ATXN7L1: variants seen among roughly 807,000 people sequenced by gnomAD.
ATXN7L1 encodes ataxin-7-like protein 1.
ATXN7L1 carries 15 observed loss-of-function variants against 70.8 expected under a neutral mutation model. The ratio of observed to expected loss-of-function variants is 0.21; its 90% CI spans 0.14 to 0.33. ATXN7L1 has a LOEUF of 0.33. Among genes scored for constraint, ATXN7L1 ranks in the 10% least tolerant of loss-of-function variants. ATXN7L1 has a pLI of 1.00. For missense variants in ATXN7L1, 975 were observed against 1,097.1 expected (o/e 0.89, Z 1.57); for synonymous variants, 440 against 445.1 (o/e 0.99, Z 0.14).
chr7:105,875,854 C>G lies in ATXN7L1; in HGVS notation c.208G>C (p.Glu70Gln). ...ATAACCTCCCTGCTTTTTCCACCCT[C>G]TTTTCCAGCCTCTTCTAAATCTACA... is the stretch of plus-strand genomic sequence containing the variant. ...DNVDLEEAGK[E>Q]GGKSREVMRL... Residue 70 changes from glutamate to glutamine, a missense_variant, in exon 2 of 12, where the codon GAG becomes CAG. By Grantham distance (29) the Glu-to-Gln change is conservative (BLOSUM62 2). This residue lies in a region of ATXN7L1 where 135 missense variants were observed against 132.6 expected (regional missense o/e 1.02). Transcript: ENST00000419735. The G allele has an allele frequency of 2.5e-6, 4 of 1,613,774 alleles. No individual in the cohort carries two copies. Among genetic ancestry groups the G allele is most frequent in the Non-Finnish European group, 3.4e-6 (4 of 1,179,932 alleles).
chr7:105,871,468 T>C (rs934868441), intron 2 of ATXN7L1, among the ~76,000 whole-genome samples: 2 of 152,180 alleles, frequency 1.3e-5, no homozygotes, highest in African/African-American at 4.8e-5. Flanking sequence ...TCCCAGCACT[T>C]TGGGATGCTG....
At chr7:105,860,549 T>G (rs556148139) in intron 2 of ATXN7L1, among the ~76,000 whole-genome samples, 1 of 152,178 alleles carries the variant, frequency 6.6e-6, no homozygotes, top group South Asian at 2.1e-4. Flanking sequence ...AAAAACCTCA[T>G]AGGCCATCTC....
chr7:105,761,095 G>T, intron 3 of ATXN7L1: 1 of 1,019,402 alleles, frequency 9.8e-7, no homozygotes, highest in Non-Finnish European at 1.2e-6. Context: ...AGGAACAGCT[G>T]GAAGGCTTTT....
At chr7:105,624,989 G>A (rs1030107773) in intron 7 of ATXN7L1, among the ~76,000 whole-genome samples, 25 of 152,178 alleles carry the variant, frequency 1.6e-4, no homozygotes, top group African/African-American at 5.8e-4. Flanking sequence ...CTTTGAAAGT[G>A]GAACCTGACA....
chr7:105,726,801 T>G (rs1192377879), intron 3 of ATXN7L1, among the ~76,000 whole-genome samples: 1 of 152,164 alleles, frequency 6.6e-6, no homozygotes, highest in African/African-American at 2.4e-5. Context: ...CATCTCAGGA[T>G]CCTATCAAGC....
At chr7:105,660,809 C>CT (rs767255969) in intron 4 of ATXN7L1, among the ~76,000 whole-genome samples, 12 of 152,086 alleles carry the variant, frequency 7.9e-5, no homozygotes, top group African/African-American at 1.4e-4. Flanking sequence ...TCTTGAACTC[C>CT]TGACCTCGTG....
intron 3 of ATXN7L1, among the ~76,000 whole-genome samples, chr7:105,780,553 AT>A (rs564011223): frequency 2.0e-3 from 289 of 145,482 alleles, no homozygotes; most frequent in African/African-American, 1.8e-3. Flanking sequence ...GTTCTAAACC[AT>A]TTTTTTTTTT....
chr7:105,733,506 C>CATCCATT (rs1264531675), intron 3 of ATXN7L1, among the ~76,000 whole-genome samples: 1 of 103,356 alleles, frequency 9.7e-6, no homozygotes, highest in African/African-American at 4.5e-5. Context: ...ATCCATCCTT[C>CATCCATT]CATCCATCCA....
At chr7:105,755,191 C>T (rs1170359457) in intron 3 of ATXN7L1, among the ~76,000 whole-genome samples, 1 of 151,428 alleles carries the variant, frequency 6.6e-6, no homozygotes, top group East Asian at 1.9e-4. Context: ...AAGGTGTTTC[C>T]TTCTCTAGAA....
intron 2 of ATXN7L1, among the ~76,000 whole-genome samples, chr7:105,837,710 G>T (rs1812614657): frequency 6.6e-6 from 1 of 152,158 alleles, no homozygotes; most frequent in Non-Finnish European, 1.5e-5. Context: ...AGCAGGGACG[G>T]AAGGACTCCC....
At chr7:105,715,786 G>A (rs6466072) in intron 3 of ATXN7L1, among the ~76,000 whole-genome samples, 5,223 of 152,322 alleles carry the variant, frequency 0.034, 129 homozygotes, top group Non-Finnish European at 0.053. Context: ...GTGGAGAAAT[G>A]ACAGTGGTGG....
At position 105,607,863 on chromosome 7, in the gene ATXN7L1, T is replaced by C; in HGVS notation, c.2575A>G (p.Thr859Ala). The C allele has an allele frequency of 6.4e-7, 1 of 1,551,716 alleles. No homozygotes were observed. The highest frequency in any genetic ancestry group is 8.7e-7 in the Non-Finnish European group (1 of 1,146,960). Residue 859 changes from threonine (T) to alanine (A), a missense_variant, in exon 12 of 12, where the codon ACT becomes GCT. Coordinates refer to ENST00000419735, the MANE Select transcript of ATXN7L1 (RefSeq NM_020725.2). Reference protein sequence around the residue: ...QNTNRTGRIRTLP With the variant: ...QNTNRTGRIRALP Reference sequence around the variant, plus strand: ...GCTTCATAGTCTTGTTATGGAAGAGTCCTTATCCTGCCCGTTCTGTTTGTG... The same window carrying C: ...GCTTCATAGTCTTGTTATGGAAGAGCCCTTATCCTGCCCGTTCTGTTTGTG...
At chr7:105,848,799 C>T (rs1814444239) in intron 2 of ATXN7L1, among the ~76,000 whole-genome samples, 1 of 152,200 alleles carries the variant, frequency 6.6e-6, no homozygotes, top group South Asian at 2.1e-4. Context: ...CAGCTCCGTG[C>T]ACCCAGCCTA....
At chr7:105,866,085 T>C (rs986503088) in intron 2 of ATXN7L1, among the ~76,000 whole-genome samples, 6 of 152,282 alleles carry the variant, frequency 3.9e-5, no homozygotes, top group Admixed American at 1.3e-4. Flanking sequence ...TCGGACTGGG[T>C]GTCCTGTGTC....
intron 4 of ATXN7L1, among the ~76,000 whole-genome samples, chr7:105,663,040 C>A (rs901977243): frequency 6.6e-6 from 1 of 152,190 alleles, no homozygotes; most frequent in African/African-American, 2.4e-5. Context: ...GGTCACCCAG[C>A]TGAAATTTGT....
chr7:105,615,314 G>GCTT (rs1161716301), intron 9 of ATXN7L1, among the ~76,000 whole-genome samples: 1 of 152,176 alleles, frequency 6.6e-6, no homozygotes, highest in African/African-American at 2.4e-5. Context: ...ACCCACTCCA[G>GCTT]CTTCTGCCCA....
intron 2 of ATXN7L1, among the ~76,000 whole-genome samples, chr7:105,872,702 T>C (rs914390095): frequency 6.6e-6 from 1 of 151,398 alleles, no homozygotes; most frequent in Non-Finnish European, 1.5e-5. Context: ...GGGTACAGAG[T>C]TTCTGACTGG....
intron 4 of ATXN7L1, among the ~76,000 whole-genome samples, chr7:105,645,262 T>G (rs965528110): frequency 4.6e-5 from 7 of 152,184 alleles, no homozygotes; most frequent in African/African-American, 1.7e-4. Flanking sequence ...TATGTTATGC[T>G]TATTTTACCA....
intron 3 of ATXN7L1, among the ~76,000 whole-genome samples, chr7:105,687,371 G>A (rs1790068214): frequency 6.6e-6 from 1 of 152,184 alleles, no homozygotes; most frequent in African/African-American, 2.4e-5. Flanking sequence ...CACATTTGGA[G>A]AGAAAGTCTT....
Sources: gnomAD v4.1 joint callset for allele counts (sites outside exome capture counted in the v4.1 genomes callset) on GRCh38, gnomAD v4.1.1 for gene constraint, gnomAD v4.1.1 regional missense constraint, MANE v1.5 for transcripts, NCBI Gene and HGNC (gene_info 2026-07-23, HGNC 2026-07-21) for gene names.